PAPPA2: variants seen among roughly 807,000 people sequenced by gnomAD.
The protein encoded by PAPPA2 is pappalysin-2.
Under a neutral mutation model 176.4 loss-of-function variants are expected in PAPPA2, and 86 were observed. That is an observed-to-expected ratio of 0.49 (90% CI 0.41 to 0.58). The LOEUF (loss-of-function observed/expected upper bound fraction) is 0.58. Among genes scored for constraint, PAPPA2 ranks in the 20% least tolerant of loss-of-function variants. PAPPA2 has a pLI of 0.00. For synonymous variants in PAPPA2, 809 were observed against 852.2 expected, an observed-to-expected ratio of 0.95 and a Z score of 0.88; for missense variants, 2,073 against 2,256.9, an observed-to-expected ratio of 0.92 and a Z score of 1.65.
At chr1:176,591,301 A>C (rs1428641655) in intron 2 of PAPPA2, among the ~76,000 whole-genome samples, 1 of 152,138 alleles carries the variant, frequency 6.6e-6, no homozygotes, top group Admixed American at 6.5e-5. Flanking sequence ...AGACAGTCTG[A>C]CTGGTGATCA....
chr1:176,704,678 G>A (rs536474051), intron 9 of PAPPA2, among the ~76,000 whole-genome samples: 2 of 151,872 alleles, frequency 1.3e-5, no homozygotes, highest in South Asian at 4.2e-4. Context: ...GAACAACTTG[G>A]GCAGGTAAAT....
At chr1:176,671,147 A>C in intron 4 of PAPPA2, 32 bp downstream of exon 4, 1 of 1,605,814 alleles carries the variant, frequency 6.2e-7, no homozygotes, top group Non-Finnish European at 8.5e-7. Context: ...CATAGTAGGA[A>C]AAAAACAAAG....
intron 1 of PAPPA2, among the ~76,000 whole-genome samples, chr1:176,510,526 AAG>A (rs1218971555): frequency 1.6e-4 from 24 of 152,186 alleles, no homozygotes; most frequent in Non-Finnish European, 3.4e-4. Flanking sequence ...GAAATGTTAT[AAG>A]ACATTCTTGA....
intron 15 of PAPPA2, among the ~76,000 whole-genome samples, chr1:176,767,495 A>G (rs950053769): frequency 9.2e-5 from 14 of 152,060 alleles, no homozygotes; most frequent in African/African-American, 2.9e-4. Context: ...CTACAGGTGC[A>G]TGCCACCACA....
chr1:176,787,269 G>A (rs957877642), intron 17 of PAPPA2, among the ~76,000 whole-genome samples: 11 of 150,982 alleles, frequency 7.3e-5, no homozygotes, highest in Non-Finnish European at 4.4e-5. Context: ...GACACAGTCT[G>A]TATCACCTGG....
Position 176,555,868 on chromosome 1 carries a change from G to A in PAPPA2, c.-455G>A, listed in dbSNP as rs1651246386. 2 of 158,812 alleles carry A rather than the reference G, an allele frequency of 1.3e-5. No individual in the cohort carries two copies. The highest frequency in any genetic ancestry group is 2.4e-5 in the African/African-American group (1 of 41,728). 9.8% of individuals were successfully genotyped at this position (158,812 alleles called of 1,614,324 possible). ...AGATTATTTTGAATGACTTCAGGTA[G>A]CGAGGAGTGTGTGTTTGTGAGTGTG... is the stretch of plus-strand genomic sequence containing the variant. On this transcript the variant is annotated 5_prime_UTR_variant, in exon 2 of 23. Coordinates refer to ENST00000367662, the MANE Select transcript of PAPPA2 (RefSeq NM_020318.3).
chr1:176,770,189 A>G (rs1246741784), intron 16 of PAPPA2, among the ~76,000 whole-genome samples: 1 of 152,188 alleles, frequency 6.6e-6, no homozygotes, highest in African/African-American at 2.4e-5. Flanking sequence ...TTAGAGATGA[A>G]GATGGAGTGG....
intron 15 of PAPPA2, among the ~76,000 whole-genome samples, chr1:176,767,327 A>T (rs762230830): frequency 4.6e-5 from 7 of 152,222 alleles, no homozygotes; most frequent in Admixed American, 1.3e-4. Context: ...CAGGCAATAG[A>T]TGCAGATTTT....
At chr1:176,624,221 C>T (rs374406034) in intron 3 of PAPPA2, among the ~76,000 whole-genome samples, 1 of 152,296 alleles carries the variant, frequency 6.6e-6, no homozygotes, top group South Asian at 2.1e-4. Context: ...TATGCTCCTT[C>T]CTTTATGTTA....
Position 176,523,248 on chromosome 1 carries a change from C to T in PAPPA2, c.-916-32159C>T, listed in dbSNP as rs536820515. On this transcript the variant is annotated intron_variant, in intron 1 of 22. Coordinates refer to ENST00000367662, the MANE Select transcript of PAPPA2 (RefSeq NM_020318.3). ...CTGCTATATCTGATACCAGCCTTTT[C>T]CCACTTTCCCTACCTCCACTTTCTC... Among the ~76,000 whole-genome samples, 39 of 152,268 alleles carry T rather than the reference C, an allele frequency of 2.6e-4. No homozygotes were observed. In the East Asian group the frequency reaches 7.0e-3, roughly 27 times the overall value.
intron 3 of PAPPA2, among the ~76,000 whole-genome samples, chr1:176,630,602 G>A (rs1656282992): frequency 2.0e-5 from 3 of 151,796 alleles, no homozygotes; most frequent in South Asian, 4.2e-4. Context: ...GTAATTCCCA[G>A]AAAAAAATGA....
At chr1:176,514,943 T>C (rs893383537) in intron 1 of PAPPA2, among the ~76,000 whole-genome samples, 1 of 152,186 alleles carries the variant, frequency 6.6e-6, no homozygotes, top group African/African-American at 2.4e-5. Context: ...TCTATCGAGC[T>C]CCTAGTGTAT....
chr1:176,632,079 T>A (rs1460022643), intron 3 of PAPPA2, among the ~76,000 whole-genome samples: 1 of 152,096 alleles, frequency 6.6e-6, no homozygotes, highest in Admixed American at 6.5e-5. Context: ...TCTGTTAAGG[T>A]TGAGTGGAAT....
intron 2 of PAPPA2, among the ~76,000 whole-genome samples, chr1:176,560,538 A>G (rs1354381889): frequency 6.6e-6 from 1 of 152,184 alleles, no homozygotes; most frequent in East Asian, 1.9e-4. Context: ...TCCACTGTAG[A>G]GTCCTCTGTA....
chr1:176,785,120 T>G (rs1026722979), intron 17 of PAPPA2, among the ~76,000 whole-genome samples: 5 of 152,178 alleles, frequency 3.3e-5, no homozygotes, highest in East Asian at 3.9e-4. Flanking sequence ...TGGCAAGATT[T>G]AGGCTTCAGT....
chr1:176,512,584 G>A (rs1648672255), intron 1 of PAPPA2, among the ~76,000 whole-genome samples: 2 of 152,094 alleles, frequency 1.3e-5, no homozygotes, highest in South Asian at 4.1e-4. Flanking sequence ...CAGATCATTG[G>A]CCGTCTGAAA....
At chr1:176,735,692 CT>C (rs1662370821) in intron 12 of PAPPA2, among the ~76,000 whole-genome samples, 1 of 122,146 alleles carries the variant, frequency 8.2e-6, no homozygotes, top group Non-Finnish European at 1.9e-5. Context: ...ATCTATCTAT[CT>C]ATCTATCTAT....
intron 12 of PAPPA2, among the ~76,000 whole-genome samples, chr1:176,718,681 A>G (rs1372248341): frequency 6.6e-6 from 1 of 150,518 alleles, no homozygotes; most frequent in African/African-American, 2.4e-5. Flanking sequence ...TTGAAAACAT[A>G]TGTGGATTTG....
intron 2 of PAPPA2, among the ~76,000 whole-genome samples, chr1:176,584,521 C>G (rs1653184710): frequency 6.6e-6 from 1 of 151,486 alleles, no homozygotes; most frequent in Non-Finnish European, 1.5e-5. Context: ...CTATGTGTGT[C>G]TTTACAGGTG....
Sources: gnomAD v4.1 joint callset for allele counts (sites outside exome capture counted in the v4.1 genomes callset) on GRCh38, gnomAD v4.1.1 for gene constraint, MANE v1.5 for transcripts, NCBI Gene and HGNC (gene_info 2026-07-23, HGNC 2026-07-21) for gene names.